The following STK25 variants were observed in gnomAD, a reference collection of about 807,000 sequenced individuals.
The protein encoded by STK25 is serine/threonine-protein kinase 25.
A neutral mutation model predicts 53.8 loss-of-function variants in STK25; 29 were observed. That is an observed-to-expected ratio of 0.54 (90% CI 0.40 to 0.74). STK25 has a LOEUF of 0.74. Among genes scored for constraint, STK25 ranks in the 30% least tolerant of loss-of-function variants. The probability of loss-of-function intolerance (pLI) is 0.00; values close to 1 mark genes in which losing one functional copy is unlikely to be tolerated. For missense variants in STK25, 420 were observed against 568.0 expected (o/e 0.74, Z 2.65); for synonymous variants, 247 against 238.3 (o/e 1.04, Z -0.33).
intron 10 of STK25, 194 bp downstream of exon 10, chr2:241,497,422 A>G (rs1169428064): frequency 3.4e-6 from 2 of 589,454 alleles, no homozygotes; most frequent in African/African-American, 3.7e-5. Context: ...GAACCTTGGC[A>G]GGTCTGGGAG....
chr2:241,494,834 T>C lies in STK25; in HGVS notation c.*828A>G, dbSNP rs1247752597. The C allele has an allele frequency of 6.6e-6, 1 of 152,164 alleles. No homozygotes were observed. The highest frequency in any genetic ancestry group is 1.5e-5 in the Non-Finnish European group (1 of 68,048). The allele number at this position is 152,164 out of a possible 1,614,324, so 9.4% of individuals were successfully genotyped here. A position where few individuals can be genotyped will look rare whatever the true frequency, so the allele number is the denominator to read the frequency against. Reference sequence around the variant, plus strand: ...TTTGATTAAAAATAAACAAACAGCATCTCCCCACCTGCATTCTCCTCTGCC... The same window carrying C: ...TTTGATTAAAAATAAACAAACAGCACCTCCCCACCTGCATTCTCCTCTGCC... On this transcript the variant is annotated 3_prime_UTR_variant, in exon 12 of 12. Coordinates refer to ENST00000316586, the MANE Select transcript of STK25 (RefSeq NM_001271977.2). The surrounding 1 kb of genome is among the most constrained non-coding windows in gnomAD (Gnocchi z 4.9).
rs1196620989 is a variant in STK25 at position 241,496,594 on chromosome 2, TC to T, written c.1105-61del. On this transcript the variant is annotated intron_variant, in intron 10 of 11. Transcript: ENST00000316586. This position sits in a 1 kb window ranked among gnomAD's most constrained non-coding sequence, Gnocchi z 5.8. The stretch of plus-strand genomic sequence containing the variant: ...CAGGACAGGCCTTCAGGGAGCCTGC[TC>T]CTTTGCTCGGCCACAGTGATGCCGG... The T allele has an allele frequency of 1.9e-6, 3 of 1,571,026 alleles. No individual in the cohort carries two copies. The highest frequency in any genetic ancestry group is 2.6e-6 in the Non-Finnish European group (3 of 1,153,310).
intron 2 of STK25, among the ~76,000 whole-genome samples, chr2:241,503,630 A>G (rs906233348): frequency 1.3e-5 from 2 of 149,050 alleles, no homozygotes; most frequent in African/African-American, 4.9e-5. Context: ...GGATAATATC[A>G]TGAACCCAGG....
At chr2:241,495,796 C>T in intron 11 of STK25, 95 bp from the exon 12 acceptor site, 7 of 1,268,874 alleles carry the variant, frequency 5.5e-6, no homozygotes, top group Non-Finnish European at 8.0e-6. Flanking sequence ...GCAGCCCTGA[C>T]AAGCCACCGC....
At chr2:241,502,587 A>C (rs1574954687) in intron 2 of STK25, among the ~76,000 whole-genome samples, 1 of 152,118 alleles carries the variant, frequency 6.6e-6, no homozygotes, top group Non-Finnish European at 1.5e-5. Flanking sequence ...AATACAAAAA[A>C]AATTAGCCGG....
Position 241,493,781 on chromosome 2 carries a change from G to GAGAC in STK25, c.*1877_*1880dup, listed in dbSNP as rs1419990301. The GAGAC allele has an allele frequency of 4.1e-6, 2 of 482,774 alleles. No homozygotes were observed. The highest frequency in any genetic ancestry group is 3.9e-5 in the African/African-American group (2 of 51,084). 29.9% of individuals were successfully genotyped at this position (482,774 alleles called of 1,614,324 possible). A position where few individuals can be genotyped will look rare whatever the true frequency, so the allele number is the denominator to read the frequency against. ...CTGGCTAATTTTTGTATTTTTAGTA[G>GAGAC]AGACAGGGTTTCACCATGTTGGCCA... On this transcript the variant is annotated 3_prime_UTR_variant, in exon 12 of 12. Coordinates refer to ENST00000316586, the MANE Select transcript of STK25 (RefSeq NM_001271977.2).
In STK25 at chr2:241,508,490, C is replaced by G; in HGVS notation, c.-148G>C. ...CTCCCCCGGCCCGCTCTGCAGCGCC[C>G]GCGAAGGCTCCCACCCGCAGCCTCT... On this transcript the variant is annotated 5_prime_UTR_variant, in exon 1 of 12. Transcript: ENST00000316586. The G allele has an allele frequency of 9.7e-7, 1 of 1,032,256 alleles. No homozygotes were observed. Among genetic ancestry groups the G allele is most frequent in the Non-Finnish European group, 1.2e-6 (1 of 858,110 alleles). 63.9% of individuals were successfully genotyped at this position (1,032,256 alleles called of 1,614,324 possible).
In STK25 at chr2:241,492,910, A is replaced by AT. The variant is rs757919657; in HGVS notation, c.*2751dup. 6.7e-7 allele frequency: 1 copy of AT among 1,495,242 alleles called. No individual in the cohort carries two copies. Among genetic ancestry groups the AT allele is most frequent in the South Asian group, 1.1e-5 (1 of 88,594 alleles). The allele number at this position is 1,495,242 out of a possible 1,614,324, so 92.6% of individuals were successfully genotyped here. A position where few individuals can be genotyped will look rare whatever the true frequency, so the allele number is the denominator to read the frequency against. On this transcript the variant is annotated 3_prime_UTR_variant, in exon 12 of 12. Transcript: ENST00000316586. ...CCTGGGTGCTGGTTAATGCACCTGC[A>AT]TTTTTCCTTTATTGACAGAACCAGC...
intron 2 of STK25, 70 bp downstream of exon 2, chr2:241,507,936 T>C (rs2065943372): frequency 2.7e-6 from 4 of 1,464,866 alleles, no homozygotes; most frequent in Non-Finnish European, 2.8e-6. Context: ...CGCTCCCCTC[T>C]GAACCCCCAG....
chr2:241,507,789 G>A (rs1012332425), intron 2 of STK25, among the ~76,000 whole-genome samples: 1 of 152,212 alleles, frequency 6.6e-6, no homozygotes, highest in African/African-American at 2.4e-5. Flanking sequence ...GTTTCTAGAG[G>A]CCTGCGAGCT....
intron 9 of STK25, 151 bp downstream of exon 9, chr2:241,498,084 C>G (rs1390924020): frequency 4.1e-6 from 3 of 739,606 alleles, no homozygotes; most frequent in African/African-American, 1.7e-5. Flanking sequence ...CACACCAGGC[C>G]TAGTGCCACA....
In STK25 at chr2:241,496,539, G is replaced by T. The variant is rs762272196; in HGVS notation, c.1105-5C>A. 4.7e-5 allele frequency: 76 copies of T among 1,612,438 alleles called. No homozygotes were observed. Among genetic ancestry groups the T allele is most frequent in the Non-Finnish European group, 6.4e-5 (76 of 1,179,238 alleles). On this transcript the variant is annotated splice_region_variant and splice_polypyrimidine_tract_variant and intron_variant, in intron 10 of 11. Transcript: ENST00000316586. This position sits in a 1 kb window ranked among gnomAD's most constrained non-coding sequence, Gnocchi z 5.8. ...CTGCTTGTGCTTCTCTTTGAGCTGT[G>T]AAAAGACCACCACGCCTGACCCTGG...
At position 241,501,906 on chromosome 2, in the gene STK25, G is replaced by A. The variant is rs952551710; in HGVS notation, c.31-198C>T. 2.4e-5 allele frequency: 13 copies of A among 546,366 alleles called. No homozygotes were observed. Among genetic ancestry groups the A allele is most frequent in the Non-Finnish European group, 4.0e-5 (12 of 303,498 alleles). The allele number at this position is 546,366 out of a possible 1,614,324, so 33.8% of individuals were successfully genotyped here. A position where few individuals can be genotyped will look rare whatever the true frequency, so the allele number is the denominator to read the frequency against. On this transcript the variant is annotated intron_variant, in intron 2 of 11. Coordinates refer to ENST00000316586, the MANE Select transcript of STK25 (RefSeq NM_001271977.2). This position sits in a 1 kb window ranked among gnomAD's most constrained non-coding sequence, Gnocchi z 5.3. Reference sequence around the variant, plus strand: ...AACTTGGCCGGGCGTGGTGGCTCACGCCTGTAATTCTAGCACTTTGGGAGG... The same window carrying A: ...AACTTGGCCGGGCGTGGTGGCTCACACCTGTAATTCTAGCACTTTGGGAGG...
At position 241,497,678 on chromosome 2, in the gene STK25, G is replaced by C. The variant is rs769485841; in HGVS notation, c.1042C>G (p.Pro348Ala). The C allele has an allele frequency of 1.2e-6, 2 of 1,613,382 alleles. No individual in the cohort carries two copies. Among genetic ancestry groups the C allele is most frequent in the Admixed American group, 3.3e-5 (2 of 60,022 alleles). Residue 348 changes from proline to alanine, a missense_variant, in exon 10 of 12, where the codon CCC (proline) becomes GCC (alanine). Transcript: ENST00000316586. ...ALHSSQKPAE[P>A]VKRQPRSQCL... ...TGGGACCTCGGCTGCCTCTTGACGG[G>C]CTCCGCAGGCTGCAAAGGAGTGGAG...
intron 7 of STK25, 94 bp downstream of exon 7, chr2:241,498,895 T>C: frequency 1.9e-6 from 3 of 1,606,540 alleles, no homozygotes; most frequent in Non-Finnish European, 2.6e-6. Flanking sequence ...ACAAGGCTGG[T>C]GGGCCTGGGC....
In STK25 at chr2:241,508,408, A is replaced by G. The variant is rs1328745673; in HGVS notation, c.-101+35T>C. ...GGCCCCTCCCTCTGCCCCCTCCCCA[A>G]TCGCCGCAAGCGCCCCGCCCGGCAG... On this transcript the variant is annotated intron_variant, in intron 1 of 11. Coordinates refer to ENST00000316586, the MANE Select transcript of STK25 (RefSeq NM_001271977.2). The G allele has an allele frequency of 5.6e-6, 6 of 1,063,000 alleles. No individual in the cohort carries two copies. The East Asian group carries it at 3.7e-4, about 66-fold the overall frequency. The allele number at this position is 1,063,000 out of a possible 1,614,324, so 65.8% of individuals were successfully genotyped here.
At chr2:241,497,448 T>G (rs1413060737) in intron 10 of STK25, 168 bp downstream of exon 10, 6 of 673,262 alleles carry the variant, frequency 8.9e-6, no homozygotes. Flanking sequence ...AAGGAGTCAT[T>G]GCAGCAGATT....
rs536518884 is a variant in STK25 at position 241,500,910 on chromosome 2, G to A, written c.262-114C>T. On this transcript the variant is annotated intron_variant, in intron 3 of 11. Coordinates refer to ENST00000316586, the MANE Select transcript of STK25 (RefSeq NM_001271977.2). ...CCCAGGCCCCACCGGTCCCATCCCT[G>A]CCAAGAACCCTGAACAGGAAAGGGC... is the stretch of plus-strand genomic sequence containing the variant. 4 of 1,003,368 alleles carry A rather than the reference G, an allele frequency of 4.0e-6. No individual in the cohort carries two copies. The South Asian group carries it at 4.6e-5, about 11-fold the overall frequency. 62.2% of individuals were successfully genotyped at this position (1,003,368 alleles called of 1,614,324 possible). A position where few individuals can be genotyped will look rare whatever the true frequency, so the allele number is the denominator to read the frequency against.
Position 241,500,807 on chromosome 2 carries a change from A to C in STK25, c.262-11T>G. 4 of 1,613,242 alleles carry C rather than the reference A, an allele frequency of 2.5e-6. No individual in the cohort carries two copies. The highest frequency in any genetic ancestry group is 3.4e-6 in the Non-Finnish European group (4 of 1,179,648). Reference sequence around the variant, plus strand: ...CCATAGCTTGGTGCTCTGGGACCGGAGACAAACCCATCAGCATTTGGCAGC... The same window carrying C: ...CCATAGCTTGGTGCTCTGGGACCGGCGACAAACCCATCAGCATTTGGCAGC... On this transcript the variant is annotated splice_polypyrimidine_tract_variant and intron_variant, in intron 3 of 11. Coordinates refer to ENST00000316586, the MANE Select transcript of STK25 (RefSeq NM_001271977.2).
Sources: gnomAD v4.1 joint callset for allele counts (sites outside exome capture counted in the v4.1 genomes callset) on GRCh38, gnomAD v4.1.1 for gene constraint, Gnocchi (gnomAD v3.1) non-coding constraint, MANE v1.5 for transcripts, NCBI Gene and HGNC (gene_info 2026-07-23, HGNC 2026-07-21) for gene names.